The following PAPPA variants were observed in gnomAD, a reference collection of about 807,000 sequenced individuals.
PAPPA encodes the protein pappalysin-1.
In PAPPA, 60 loss-of-function variants were observed where a neutral mutation model predicts 164.0. The observed-to-expected ratio is 0.37, with a 90% CI of 0.30 to 0.45. The LOEUF (loss-of-function observed/expected upper bound fraction) is 0.45. PAPPA is among the 20% of genes least tolerant of loss of function. The pLI is 1.00. For synonymous variants in PAPPA, 875 were observed against 814.1 expected (o/e 1.07, Z -1.27); for missense variants, 1,782 against 2,087.3 (o/e 0.85, Z 2.85).
chr9:116,180,388 C>T (rs571073322), intron 1 of PAPPA, among the ~76,000 whole-genome samples: 17 of 152,162 alleles, frequency 1.1e-4, no homozygotes. Context: ...CCCAATCCCT[C>T]GCTGGGATCC....
chr9:116,172,175 A>G (rs1355938005), intron 1 of PAPPA, among the ~76,000 whole-genome samples: 1 of 152,306 alleles, frequency 6.6e-6, no homozygotes, highest in East Asian at 1.9e-4. Flanking sequence ...CAGATGAAAG[A>G]TGAGGAATGT....
chr9:116,353,594 T>C (rs1420072010), intron 16 of PAPPA, 28 bp from the exon 17 acceptor site: 5 of 1,605,356 alleles, frequency 3.1e-6, no homozygotes, highest in Admixed American at 1.7e-5. Flanking sequence ...GTCCTTGAGA[T>C]GTCTCCTGTT....
intron 2 of PAPPA, among the ~76,000 whole-genome samples, chr9:116,200,658 T>C (rs1399948086): frequency 6.6e-6 from 1 of 152,240 alleles, no homozygotes; most frequent in Non-Finnish European, 1.5e-5. Context: ...CGTCTCACTT[T>C]CTTCATAAAA....
Position 116,235,476 on chromosome 9 carries a change from G to A in PAPPA, c.2571G>A (p.Thr857=), listed in dbSNP as rs41280071. The change falls in exon 7 of 22, where the codon ACG becomes ACA. Residue 857 remains threonine (T), a synonymous_variant. Transcript: ENST00000328252. ...GEEVYGIQIY[T]LDEHLEIDAA... Reference sequence around the variant, plus strand: ...AGGTGTATGGCATCCAAATCTACACGCTGGATGAGCACCTGGAGATCGATG... The same window carrying A: ...AGGTGTATGGCATCCAAATCTACACACTGGATGAGCACCTGGAGATCGATG... The A allele has an allele frequency of 4.9e-4, 795 of 1,613,332 alleles. 2 individuals are homozygous for A. Among genetic ancestry groups the A allele is most frequent in the Non-Finnish European group, 6.4e-4 (750 of 1,179,784 alleles).
At chr9:116,246,943 G>A (rs1389746598) in intron 7 of PAPPA, among the ~76,000 whole-genome samples, 2 of 152,014 alleles carry the variant, frequency 1.3e-5, no homozygotes, top group Admixed American at 6.6e-5. Flanking sequence ...ATCACTTGAG[G>A]CTGGGAGGGA....
At chr9:116,203,321 T>G (rs1324897258) in intron 2 of PAPPA, among the ~76,000 whole-genome samples, 3 of 152,230 alleles carry the variant, frequency 2.0e-5, no homozygotes, top group African/African-American at 7.2e-5. Context: ...TTGCTCATCC[T>G]GTTTTGAAAC....
At chr9:116,329,516 T>C (rs1033149453) in intron 10 of PAPPA, among the ~76,000 whole-genome samples, 4 of 152,316 alleles carry the variant, frequency 2.6e-5, no homozygotes, top group East Asian at 1.9e-4. Flanking sequence ...GGTCCTTTTT[T>C]TTCCTGACTC....
At position 116,398,624 on chromosome 9, in the gene PAPPA, G is replaced by C. The variant is rs1478680663; in HGVS notation, c.*2008G>C. ...CCAATTACACTAAGAAACATATCAA[G>C]GTGCTTTTGGCACAGGTGCCCACAA... On this transcript the variant is annotated 3_prime_UTR_variant, in exon 22 of 22. Transcript: ENST00000328252. 1.0e-6 allele frequency: 1 copy of C among 998,006 alleles called. No homozygotes were observed. The highest frequency in any genetic ancestry group is 1.3e-5 in the South Asian group (1 of 75,222). The allele number at this position is 998,006 out of a possible 1,614,324, so 61.8% of individuals were successfully genotyped here. A position where few individuals can be genotyped will look rare whatever the true frequency, so the allele number is the denominator to read the frequency against.
rs563871496 is a variant in PAPPA at position 116,169,310 on chromosome 9, C to CTTTT, written c.415+14747_415+14750dup. ...GTCCTTCGGCCTCTCCAAACCCATT[C>CTTTT]TTTTTTTTTTTTTTTTTTTTTTTTT... On this transcript the variant is annotated intron_variant, in intron 1 of 21. Coordinates refer to ENST00000328252, the MANE Select transcript of PAPPA (RefSeq NM_002581.5). 2.1e-4 allele frequency among the ~76,000 whole-genome samples: 11 copies of CTTTT among 52,154 alleles called. 2 individuals are homozygous for CTTTT. Among genetic ancestry groups the CTTTT allele is most frequent in the African/African-American group, 5.8e-4 (8 of 13,730 alleles). 34.2% of individuals were successfully genotyped at this position (52,154 alleles called of 152,430 possible).
chr9:116,181,323 CCT>C (rs753367535), intron 1 of PAPPA, among the ~76,000 whole-genome samples: 10 of 150,324 alleles, frequency 6.7e-5, no homozygotes, highest in Non-Finnish European at 1.2e-4. Flanking sequence ...TCTTCCAAGA[CCT>C]CTCTCTCTCT....
chr9:116,380,837 A>AATT (rs1477517973), intron 20 of PAPPA, among the ~76,000 whole-genome samples: 2 of 152,210 alleles, frequency 1.3e-5, no homozygotes, highest in Non-Finnish European at 2.9e-5. Flanking sequence ...TGTGAGTAAG[A>AATT]ATTTGGAACA....
At chr9:116,354,735 C>T (rs979508564) in intron 17 of PAPPA, among the ~76,000 whole-genome samples, 2 of 152,198 alleles carry the variant, frequency 1.3e-5, no homozygotes, top group Admixed American at 1.3e-4. Flanking sequence ...GATGAGCCAC[C>T]ATGCAGCTTC....
At chr9:116,383,072 A>AT (rs796493247) in intron 21 of PAPPA, among the ~76,000 whole-genome samples, 31 of 152,234 alleles carry the variant, frequency 2.0e-4, no homozygotes, top group Non-Finnish European at 3.1e-4. Context: ...TGGTCATGGT[A>AT]TTTTTTCTTT....
intron 7 of PAPPA, among the ~76,000 whole-genome samples, chr9:116,245,795 A>T (rs1020469826): frequency 6.6e-6 from 1 of 152,196 alleles, no homozygotes; most frequent in African/African-American, 2.4e-5. Context: ...GAAGGCTGTT[A>T]AACACGTAGG....
In PAPPA at chr9:116,352,856, T is replaced by A. The variant is rs202236588; in HGVS notation, c.4115T>A (p.Phe1372Tyr). ...GAGAATAAGCACAAGGTGGGCTCCT[T>A]CTGCAAATACAAATGCAAGCCTGGA... ...CRENKHKVGS[F>Y]CKYKCKPGYH... The change falls in exon 16 of 22, where the codon TTC becomes TAC. Residue 1372 changes from phenylalanine (F) to tyrosine (Y), a missense_variant. Physicochemically the swap from Phe to Tyr is conservative, Grantham distance 22. Coordinates refer to ENST00000328252, the MANE Select transcript of PAPPA (RefSeq NM_002581.5). 5.9e-5 allele frequency: 95 copies of A among 1,614,104 alleles called. 1 individual carries two copies. The East Asian group carries it at 2.1e-3, about 36-fold the overall frequency.
In PAPPA at chr9:116,176,476, C is replaced by T. The variant is rs112205392; in HGVS notation, c.416-10678C>T. ...AAGCACCAGCTTTGTTTTTTCATAC[C>T]CTTTATGGTGCATAATAGGATGCTC... is the stretch of plus-strand genomic sequence containing the variant. On this transcript the variant is annotated intron_variant, in intron 1 of 21. Coordinates refer to ENST00000328252, the MANE Select transcript of PAPPA (RefSeq NM_002581.5). Among the ~76,000 whole-genome samples, 397 of 152,088 alleles carry T rather than the reference C, an allele frequency of 2.6e-3. 2 individuals carry two copies. Among genetic ancestry groups the T allele is most frequent in the African/African-American group, 9.4e-3 (389 of 41,480 alleles).
At chr9:116,379,975 C>CA (rs1272467212) in intron 20 of PAPPA, among the ~76,000 whole-genome samples, 1 of 152,200 alleles carries the variant, frequency 6.6e-6, no homozygotes, top group African/African-American at 2.4e-5. Context: ...TCTCCACCCC[C>CA]ACCTAATTAA....
At chr9:116,196,522 A>G (rs1032578229) in intron 2 of PAPPA, among the ~76,000 whole-genome samples, 7 of 152,174 alleles carry the variant, frequency 4.6e-5, no homozygotes, top group African/African-American at 1.7e-4. Context: ...TGTTTTATTG[A>G]AATACATTTT....
chr9:116,171,977 G>C (rs570769338), intron 1 of PAPPA, among the ~76,000 whole-genome samples: 1 of 152,150 alleles, frequency 6.6e-6, no homozygotes, highest in African/African-American at 2.4e-5. Context: ...AGGTTTCATC[G>C]ACTGAGGAGC....
Sources: gnomAD v4.1 joint callset for allele counts (sites outside exome capture counted in the v4.1 genomes callset) on GRCh38, gnomAD v4.1.1 for gene constraint, MANE v1.5 for transcripts, NCBI Gene and HGNC (gene_info 2026-07-23, HGNC 2026-07-21) for gene names.